PRKN: variants seen among roughly 807,000 people sequenced by gnomAD.
The protein encoded by PRKN is E3 ubiquitin-protein ligase parkin.
In PRKN, 56 loss-of-function variants were observed where a neutral mutation model predicts 59.5. That is an observed-to-expected ratio of 0.94 (90% CI 0.76 to 1.18). The LOEUF (loss-of-function observed/expected upper bound fraction) is 1.18, where lower values mean the gene tolerates loss of function less well. Ranked by LOEUF, PRKN falls within the 50% of genes most tolerant of loss-of-function variation. PRKN has a pLI of 0.00. For synonymous variants in PRKN, 250 were observed against 222.1 expected (o/e 1.13, Z -1.12); for missense variants, 657 against 596.4 (o/e 1.10, Z -1.06).
intron 1 of PRKN, among the ~76,000 whole-genome samples, chr6:162,524,132 C>G (rs1641788795): frequency 6.6e-6 from 1 of 152,132 alleles, no homozygotes; most frequent in Non-Finnish European, 1.5e-5. Context: ...TTATGAAGTA[C>G]TAAAATCACA....
chr6:162,389,662 C>T (rs899349939), intron 2 of PRKN, among the ~76,000 whole-genome samples: 1 of 152,134 alleles, frequency 6.6e-6, no homozygotes. Context: ...TCTGTATAAA[C>T]CAGACATTAA....
intron 4 of PRKN, among the ~76,000 whole-genome samples, chr6:162,059,151 TG>T (rs1268237642): frequency 2.6e-5 from 4 of 152,318 alleles, no homozygotes; most frequent in Non-Finnish European, 5.9e-5. Flanking sequence ...AAAATATTTA[TG>T]GAACAATTCC....
intron 6 of PRKN, among the ~76,000 whole-genome samples, chr6:161,823,022 C>T (rs1792096404): frequency 6.6e-6 from 1 of 152,058 alleles, no homozygotes; most frequent in Non-Finnish European, 1.5e-5. Flanking sequence ...GCAGCCTTGA[C>T]CGCTTGGGCT....
intron 7 of PRKN, among the ~76,000 whole-genome samples, chr6:161,651,603 C>T (rs1213948738): frequency 6.6e-6 from 1 of 152,148 alleles, no homozygotes; most frequent in African/African-American, 2.4e-5. Flanking sequence ...GAAAGCCTAA[C>T]CCACCGCCCT....
intron 5 of PRKN, among the ~76,000 whole-genome samples, chr6:161,989,009 T>A (rs1364595943): frequency 6.6e-6 from 1 of 152,210 alleles, no homozygotes; most frequent in African/African-American, 2.4e-5. Context: ...TACATATGTA[T>A]ACATGTGCCA....
chr6:161,880,280 A>G (rs1046009195), intron 6 of PRKN, among the ~76,000 whole-genome samples: 2 of 152,194 alleles, frequency 1.3e-5, no homozygotes, highest in African/African-American at 2.4e-5. Flanking sequence ...CATGTTCGAT[A>G]ACATGTGCTA....
intron 9 of PRKN, among the ~76,000 whole-genome samples, chr6:161,516,813 C>T (rs1312451772): frequency 2.7e-5 from 2 of 73,810 alleles, no homozygotes; most frequent in Non-Finnish European, 2.4e-5. Flanking sequence ...GGTGACAGAG[C>T]AAGACTCAAT....
intron 5 of PRKN, among the ~76,000 whole-genome samples, chr6:161,977,728 T>C (rs1419243357): frequency 6.6e-6 from 1 of 151,732 alleles, no homozygotes; most frequent in Non-Finnish European, 1.5e-5. Flanking sequence ...TTTGTATTTT[T>C]AGTAGAGACG....
intron 2 of PRKN, among the ~76,000 whole-genome samples, chr6:162,407,065 C>T (rs1033115382): frequency 6.6e-6 from 1 of 152,036 alleles, no homozygotes; most frequent in Non-Finnish European, 1.5e-5. Flanking sequence ...GTTGGAAATA[C>T]CCCCATTTAT....
chr6:161,843,658 C>T (rs541156607), intron 6 of PRKN, among the ~76,000 whole-genome samples: 5 of 152,218 alleles, frequency 3.3e-5, no homozygotes, highest in South Asian at 2.1e-4. Context: ...GGCATGGTGG[C>T]GGGCACCTGT....
chr6:162,428,198 A>G (rs1434507106), intron 2 of PRKN, among the ~76,000 whole-genome samples: 1 of 152,216 alleles, frequency 6.6e-6, no homozygotes, highest in East Asian at 1.9e-4. Context: ...CTTGCAAAAG[A>G]ACAAGCATGC....
intron 1 of PRKN, among the ~76,000 whole-genome samples, chr6:162,483,550 A>G (rs1217979123): frequency 8.5e-6 from 1 of 117,654 alleles, no homozygotes; most frequent in South Asian, 2.6e-4. Context: ...GAAAGAAGGG[A>G]CGTAGGGAAG....
At position 161,429,444 on chromosome 6, in the gene PRKN, C is replaced by T. The variant is rs570137798; in HGVS notation, c.1084-42567G>A. Among the ~76,000 whole-genome samples, 15 of 152,156 alleles carry T rather than the reference C, an allele frequency of 9.9e-5. No individual in the cohort carries two copies. The highest frequency in any genetic ancestry group is 6.2e-4 in the South Asian group (3 of 4,824). ...CCTGGGGAGCCATGGTTAAGAGGGA[C>T]GGAGAAATAACACGAATGTGGTGAG... On this transcript the variant is annotated intron_variant, in intron 9 of 11. Coordinates refer to ENST00000366898, the MANE Select transcript of PRKN (RefSeq NM_004562.3). The surrounding 1 kb of genome is among the most constrained non-coding windows in gnomAD (Gnocchi z 4.2).
rs757579280 is a variant in PRKN at position 161,973,377 on chromosome 6, T to C, written c.659A>G (p.Lys220Arg). The change falls in exon 6 of 12, where the codon AAG (lysine) becomes AGG (arginine). Residue 220 changes from lysine (K) to arginine (R), a missense_variant. Lys to Arg is a conservative substitution (Grantham distance 26). Transcript: ENST00000366898. ...CAGGTGCAAAGCTACTGATGTTTCC[T>C]TGTCAGAGGTGGGGTGTGCTCCACA... Reference protein sequence around the residue: ...FKCGAHPTSDKETSVALHLIA... With the variant: ...FKCGAHPTSDRETSVALHLIA... The C allele has an allele frequency of 3.7e-6, 6 of 1,613,678 alleles. No homozygotes were observed. In the Admixed American group the frequency reaches 5.0e-5, roughly 13 times the overall value.
chr6:162,695,661 T>A (rs1954908), intron 1 of PRKN, among the ~76,000 whole-genome samples: 27,052 of 152,166 alleles, frequency 0.18, 3,096 homozygotes, highest in East Asian at 0.48. Flanking sequence ...ATACTGTATG[T>A]ACACTTAAGT....
chr6:162,528,068 C>CGGGGGGGGGGGGGGG (rs1292578701), intron 1 of PRKN, among the ~76,000 whole-genome samples: 1 of 82,914 alleles, frequency 1.2e-5, no homozygotes, highest in African/African-American at 8.0e-5. Context: ...CGGGGGAGGG[C>CGGGGGGGGGGGGGGG]GGGGGGGCGG....
chr6:162,260,273 G>A (rs568327960), intron 3 of PRKN, among the ~76,000 whole-genome samples: 1 of 152,244 alleles, frequency 6.6e-6, no homozygotes, highest in South Asian at 2.1e-4. Flanking sequence ...GGTTAGATGT[G>A]ACTCAGACAT....
intron 4 of PRKN, among the ~76,000 whole-genome samples, chr6:162,062,690 T>C (rs1175834670): frequency 6.6e-6 from 1 of 152,118 alleles, no homozygotes; most frequent in East Asian, 1.9e-4. Context: ...TCTCGACTTC[T>C]AGCTGCCAGA....
intron 6 of PRKN, among the ~76,000 whole-genome samples, chr6:161,972,268 CCTT>C (rs1442686331): frequency 3.5e-5 from 5 of 142,476 alleles, no homozygotes; most frequent in African/African-American, 7.7e-5. Context: ...GAGCGAAACT[CCTT>C]CTCAAAAAAA....
Sources: allele counts gnomAD v4.1 joint callset (sites outside exome capture counted in the v4.1 genomes callset), GRCh38; gene constraint gnomAD v4.1.1; non-coding constraint Gnocchi (gnomAD v3.1); transcripts MANE v1.5; gene names NCBI Gene and HGNC (gene_info 2026-07-23, HGNC 2026-07-21).